The following ZFAND3 variants were observed in gnomAD, a reference collection of about 807,000 sequenced individuals.
ZFAND3 encodes the protein zinc finger AN1-type containing 3.
ZFAND3 carries 10 observed loss-of-function variants against 29.6 expected under a neutral mutation model. That is an observed-to-expected ratio of 0.34 (90% CI 0.21 to 0.57). The LOEUF (loss-of-function observed/expected upper bound fraction) is 0.57, where lower values mean the gene tolerates loss of function less well. Among genes scored for constraint, ZFAND3 ranks in the 20% least tolerant of loss-of-function variants. ZFAND3 has a pLI of 0.86. For missense variants in ZFAND3, 230 were observed against 304.5 expected (o/e 0.76, Z 1.82); for synonymous variants, 128 against 112.6 (o/e 1.14, Z -0.87).
At chr6:37,963,053 G>A (rs1762226981) in intron 2 of ZFAND3, among the ~76,000 whole-genome samples, 1 of 152,120 alleles carries the variant, frequency 6.6e-6, no homozygotes, top group African/African-American at 2.4e-5. Flanking sequence ...AAGAAACTCC[G>A]AGTACATCTG....
At chr6:37,887,738 C>G (rs1765021995) in intron 1 of ZFAND3, among the ~76,000 whole-genome samples, 2 of 152,176 alleles carry the variant, frequency 1.3e-5, no homozygotes, top group South Asian at 4.1e-4. Flanking sequence ...AAGAGTTAAT[C>G]TAATTAAGCT....
Position 37,819,930 on chromosome 6 carries a change from G to A in ZFAND3, c.-16G>A, listed in dbSNP as rs888229594. On this transcript the variant is annotated 5_prime_UTR_variant, in exon 1 of 6. Coordinates refer to ENST00000287218, the MANE Select transcript of ZFAND3 (RefSeq NM_021943.3). ...GCCACCGCTGCCGCCGCCGAGCTCCGCCGCCGCCGAGCACCATGGGAGACG... is the reference window on the plus strand; with the variant it reads ...GCCACCGCTGCCGCCGCCGAGCTCCACCGCCGCCGAGCACCATGGGAGACG... The A allele has an allele frequency of 1.5e-4, 186 of 1,212,132 alleles. No individual in the cohort carries two copies. In the East Asian group the frequency reaches 6.3e-3, roughly 41 times the overall value. The allele number at this position is 1,212,132 out of a possible 1,614,324, so 75.1% of individuals were successfully genotyped here.
chr6:37,988,832 G>A (rs1309030298), intron 2 of ZFAND3, among the ~76,000 whole-genome samples: 1 of 152,110 alleles, frequency 6.6e-6, no homozygotes, highest in Non-Finnish European at 1.5e-5. Flanking sequence ...AGAGCAGAGA[G>A]CAGCTTCCTG....
chr6:37,926,633 C>A (rs572833623), intron 1 of ZFAND3, among the ~76,000 whole-genome samples: 3 of 152,126 alleles, frequency 2.0e-5, no homozygotes, highest in Non-Finnish European at 2.9e-5. Context: ...AAGGTAACTT[C>A]GGGATTAAGA....
At chr6:38,021,860 C>T (rs1363317604) in intron 2 of ZFAND3, among the ~76,000 whole-genome samples, 1 of 152,118 alleles carries the variant, frequency 6.6e-6, no homozygotes, top group Non-Finnish European at 1.5e-5. Context: ...AGAGTGGCAC[C>T]AGCACCACTG....
At chr6:37,883,869 C>G (rs1764941372) in intron 1 of ZFAND3, among the ~76,000 whole-genome samples, 1 of 145,316 alleles carries the variant, frequency 6.9e-6, no homozygotes, top group Non-Finnish European at 1.5e-5. Context: ...ATCTATTTCC[C>G]TTTCTCCCGT....
chr6:38,010,801 A>T (rs924967893), intron 2 of ZFAND3, among the ~76,000 whole-genome samples: 3 of 151,246 alleles, frequency 2.0e-5, no homozygotes, highest in Admixed American at 1.3e-4. Flanking sequence ...GGGTTTCACC[A>T]TGTTGGCCAG....
At chr6:37,824,389 A>G (rs1055615158) in intron 1 of ZFAND3, among the ~76,000 whole-genome samples, 6 of 151,942 alleles carry the variant, frequency 3.9e-5, no homozygotes, top group African/African-American at 1.5e-4. Context: ...CACAAATGTG[A>G]AGACCTAGAA....
intron 5 of ZFAND3, among the ~76,000 whole-genome samples, chr6:38,129,074 A>G (rs1011639977): frequency 2.0e-5 from 3 of 152,178 alleles, no homozygotes; most frequent in Non-Finnish European, 4.4e-5. Context: ...CCCTTCCCTA[A>G]TCATTAATGA....
intron 2 of ZFAND3, among the ~76,000 whole-genome samples, chr6:37,968,394 T>C (rs1762328040): frequency 6.6e-6 from 1 of 151,314 alleles, no homozygotes; most frequent in Non-Finnish European, 1.5e-5. Context: ...TAGCGAATAC[T>C]AGATGCAGAC....
chr6:37,968,860 T>C (rs1581799745), intron 2 of ZFAND3, among the ~76,000 whole-genome samples: 1 of 152,156 alleles, frequency 6.6e-6, no homozygotes. Context: ...AACACCCGAG[T>C]GTGTCCAGTA....
chr6:38,024,002 C>G (rs180947244), intron 2 of ZFAND3, among the ~76,000 whole-genome samples: 1 of 152,032 alleles, frequency 6.6e-6, no homozygotes, highest in Admixed American at 6.5e-5. Flanking sequence ...TGCACACCAA[C>G]CTGAACAAAA....
At chr6:37,846,347 G>T (rs1316869344) in intron 1 of ZFAND3, among the ~76,000 whole-genome samples, 1 of 152,204 alleles carries the variant, frequency 6.6e-6, no homozygotes, top group Non-Finnish European at 1.5e-5. Flanking sequence ...CAGCTGTTTG[G>T]AAGGCTTAGT....
intron 2 of ZFAND3, among the ~76,000 whole-genome samples, chr6:37,969,809 C>T (rs542493184): frequency 6.6e-6 from 1 of 152,252 alleles, no homozygotes; most frequent in African/African-American, 2.4e-5. Context: ...TTGGGAGATA[C>T]TTACTCCCTA....
intron 4 of ZFAND3, among the ~76,000 whole-genome samples, chr6:38,096,734 T>G (rs1026950778): frequency 3.9e-5 from 6 of 152,102 alleles, no homozygotes; most frequent in Non-Finnish European, 5.9e-5. Flanking sequence ...TTTCTCAGAG[T>G]CTTCATTTCC....
rs141247500 is a variant in ZFAND3 at position 37,877,685 on chromosome 6, T to G, written c.72-52274T>G. ...TTACATGCTTGATATTGCTTACTTGTGGCAGGGCTGGGATTCAAACCCAGG... is the reference window on the plus strand; with the variant it reads ...TTACATGCTTGATATTGCTTACTTGGGGCAGGGCTGGGATTCAAACCCAGG... On this transcript the variant is annotated intron_variant, in intron 1 of 5. Transcript: ENST00000287218. 5.3e-5 allele frequency among the ~76,000 whole-genome samples: 8 copies of G among 152,310 alleles called. No homozygotes were observed. In the East Asian group the frequency reaches 1.5e-3, roughly 29 times the overall value.
chr6:37,846,704 ATTTTTTTTTTTTTG>A (rs1451066193), intron 1 of ZFAND3, among the ~76,000 whole-genome samples: 3 of 140,898 alleles, frequency 2.1e-5, no homozygotes, highest in African/African-American at 7.8e-5. Context: ...TATACTTGTG[ATTTTTTTTTTTTTG>A]TTTTTTTTTT....
chr6:37,828,781 G>C (rs1454313261), intron 1 of ZFAND3, among the ~76,000 whole-genome samples: 1 of 152,072 alleles, frequency 6.6e-6, no homozygotes, highest in African/African-American at 2.4e-5. Flanking sequence ...CTCCCGAGTA[G>C]CTGGGACTAC....
intron 1 of ZFAND3, among the ~76,000 whole-genome samples, chr6:37,837,874 AAAATACACT>A (rs1763998722): frequency 6.6e-6 from 1 of 152,240 alleles, no homozygotes; most frequent in Non-Finnish European, 1.5e-5. Flanking sequence ...AATATACACA[AAAATACACT>A]TTGTTTAAAA....
Sources: allele counts gnomAD v4.1 joint callset (sites outside exome capture counted in the v4.1 genomes callset), GRCh38; gene constraint gnomAD v4.1.1; transcripts MANE v1.5; gene names NCBI Gene and HGNC (gene_info 2026-07-23, HGNC 2026-07-21).